Variants in SGCD observed in about 807,000 individuals in gnomAD.
SGCD encodes delta-sarcoglycan.
Under a neutral mutation model 36.6 loss-of-function variants are expected in SGCD, and 18 were observed. The observed-to-expected ratio is 0.49, with a 90% CI of 0.34 to 0.73. The LOEUF (loss-of-function observed/expected upper bound fraction) is 0.73, where lower values mean the gene tolerates loss of function less well. Ranked by LOEUF, SGCD falls within the 30% of genes least tolerant of loss-of-function variation. SGCD has a pLI of 0.01. For missense variants in SGCD, 387 were observed against 346.7 expected, an observed-to-expected ratio of 1.12 and a Z score of -0.92; for synonymous variants, 133 against 130.6, an observed-to-expected ratio of 1.02 and a Z score of -0.12.
intron 3 of SGCD, among the ~76,000 whole-genome samples, chr5:156,394,785 T>C (rs1771763034): frequency 1.3e-5 from 2 of 152,246 alleles, no homozygotes; most frequent in African/African-American, 4.8e-5. Flanking sequence ...GCTGTGCTTT[T>C]ATGGATGCGC....
chr5:156,096,541 A>T (rs917572338), intron 1 of SGCD, among the ~76,000 whole-genome samples: 2 of 152,114 alleles, frequency 1.3e-5, no homozygotes, highest in Non-Finnish European at 2.9e-5. Context: ...CATCTGGTGA[A>T]TGGGCTGACA....
In SGCD at chr5:156,762,748, G is replaced by C. The variant is rs1419080631; in HGVS notation, c.*3358G>C. ...AGCAGGATGGAGTAGTTGTGTCAGA[G>C]ACTATGTATCCCACAAAGCATAGAT... On this transcript the variant is annotated 3_prime_UTR_variant, in exon 9 of 9. Coordinates refer to ENST00000337851, the MANE Select transcript of SGCD (RefSeq NM_000337.6). The C allele has an allele frequency of 1.3e-5, 2 of 152,596 alleles. No individual in the cohort carries two copies. The highest frequency in any genetic ancestry group is 2.9e-5 in the Non-Finnish European group (2 of 68,060). The allele number at this position is 152,596 out of a possible 1,614,324, so 9.5% of individuals were successfully genotyped here.
intron 3 of SGCD, among the ~76,000 whole-genome samples, chr5:156,471,586 G>C (rs1288373170): frequency 1.3e-5 from 2 of 151,922 alleles, no homozygotes; most frequent in Non-Finnish European, 2.9e-5. Context: ...AAATGTGTAG[G>C]AAAAAGAAAT....
chr5:156,544,275 T>C (rs1364187553), intron 4 of SGCD, among the ~76,000 whole-genome samples: 1 of 152,224 alleles, frequency 6.6e-6, no homozygotes, highest in Admixed American at 6.5e-5. Context: ...TGCTCAGTTC[T>C]GTGAGTAATT....
chr5:156,175,258 A>G (rs146229965), intron 3 of SGCD, among the ~76,000 whole-genome samples: 129 of 152,312 alleles, frequency 8.5e-4, no homozygotes, highest in African/African-American at 3.1e-3. Context: ...TTCCTAATAC[A>G]TAAGTACTTG....
At position 156,583,088 on chromosome 5, in the gene SGCD, A is replaced by T. The variant is rs547509783; in HGVS notation, c.295-6143A>T. ...AATTTTGTGAGAGTTGACAGCTGAG[A>T]TAGTGTAATTATGAACATTTTCATA... is the stretch of plus-strand genomic sequence containing the variant. On this transcript the variant is annotated intron_variant, in intron 4 of 8. Transcript: ENST00000337851. Among the ~76,000 whole-genome samples, 77 of 152,344 alleles carry T rather than the reference A, an allele frequency of 5.1e-4. 1 individual carries two copies. Among genetic ancestry groups the T allele is most frequent in the African/African-American group, 1.8e-3 (74 of 41,584 alleles).
chr5:155,877,056 GCTAT>G (rs1561635183), intron 1 of SGCD, among the ~76,000 whole-genome samples: 1 of 151,972 alleles, frequency 6.6e-6, no homozygotes, highest in South Asian at 2.1e-4. Flanking sequence ...TTAAACATCA[GCTAT>G]CTTTTATATG....
At position 156,582,081 on chromosome 5, in the gene SGCD, T is replaced by A. The variant is rs181550143; in HGVS notation, c.295-7150T>A. Among the ~76,000 whole-genome samples, 730 of 152,256 alleles carry A rather than the reference T, an allele frequency of 4.8e-3. 4 individuals carry two copies. The highest frequency in any genetic ancestry group is 8.7e-3 in the Admixed American group (133 of 15,294). On this transcript the variant is annotated intron_variant, in intron 4 of 8. Coordinates refer to ENST00000337851, the MANE Select transcript of SGCD (RefSeq NM_000337.6). ...TGGACCTGGGGGCTCAATTTTTTTT[T>A]AATTTATTTTTTAAGAATGGCTATT...
At chr5:156,557,058 G>A (rs1759054818) in intron 4 of SGCD, among the ~76,000 whole-genome samples, 1 of 152,146 alleles carries the variant, frequency 6.6e-6, no homozygotes, top group African/African-American at 2.4e-5. Flanking sequence ...GAGGACTAGT[G>A]ACTTTGATTT....
chr5:156,136,627 G>A (rs1291043934), intron 3 of SGCD, among the ~76,000 whole-genome samples: 1 of 152,178 alleles, frequency 6.6e-6, no homozygotes, highest in Non-Finnish European at 1.5e-5. Context: ...AGGAGATAAT[G>A]TGCACACATA....
intron 4 of SGCD, among the ~76,000 whole-genome samples, chr5:156,547,847 C>T (rs1041206048): frequency 6.6e-6 from 1 of 152,126 alleles, no homozygotes; most frequent in African/African-American, 2.4e-5. Context: ...TTTTTGGCTG[C>T]AGGAATCAAA....
At chr5:155,769,810 G>A in the SGCD span, among the ~76,000 whole-genome samples, 32 of 152,132 alleles carry the variant, frequency 2.1e-4, no homozygotes, top group Admixed American at 7.2e-4. Flanking sequence ...TTGTACTCAC[G>A]GCACAGTAAT....
intron 1 of SGCD, among the ~76,000 whole-genome samples, chr5:155,886,480 ATG>A (rs796741485): frequency 4.0e-5 from 6 of 151,036 alleles, no homozygotes; most frequent in South Asian, 2.1e-4. Flanking sequence ...TTGCAGAGGA[ATG>A]TGTGTGTGTG....
intron 1 of SGCD, among the ~76,000 whole-genome samples, chr5:156,070,533 C>A (rs1056486776): frequency 1.3e-5 from 2 of 150,608 alleles, no homozygotes; most frequent in Non-Finnish European, 2.9e-5. Context: ...TTTGGTTTGC[C>A]AGTATTTTAT....
chr5:156,091,235 G>C (rs1350561676), intron 1 of SGCD, among the ~76,000 whole-genome samples: 3 of 152,144 alleles, frequency 2.0e-5, no homozygotes, highest in Non-Finnish European at 1.5e-5. Flanking sequence ...AATTATAAAA[G>C]TTTTAATTTT....
chr5:156,345,014 T>C (rs535004103), intron 3 of SGCD, among the ~76,000 whole-genome samples: 1 of 152,338 alleles, frequency 6.6e-6, no homozygotes, highest in South Asian at 2.1e-4. Flanking sequence ...ATTCAAAGTA[T>C]TAAGTTTTCA....
At chr5:156,210,384 A>T (rs111488714) in intron 3 of SGCD, among the ~76,000 whole-genome samples, 9 of 152,308 alleles carry the variant, frequency 5.9e-5, no homozygotes, top group African/African-American at 1.7e-4. Flanking sequence ...TATTAATATA[A>T]GGCAACAAGA....
chr5:155,895,205 A>T (rs540390021), intron 1 of SGCD, among the ~76,000 whole-genome samples: 22 of 152,356 alleles, frequency 1.4e-4, no homozygotes, highest in Admixed American at 1.2e-3. Context: ...GTCCACATGA[A>T]ATCGTACTTT....
At chr5:156,070,234 T>G (rs1760501328) in intron 1 of SGCD, among the ~76,000 whole-genome samples, 2 of 151,924 alleles carry the variant, frequency 1.3e-5, no homozygotes, top group South Asian at 4.1e-4. Flanking sequence ...CGCTTCCAGT[T>G]TTTGCCCATT....
Sources: allele counts gnomAD v4.1 joint callset (sites outside exome capture counted in the v4.1 genomes callset), GRCh38; gene constraint gnomAD v4.1.1; transcripts MANE v1.5; gene names NCBI Gene and HGNC (gene_info 2026-07-23, HGNC 2026-07-21).